The following DYNLT5 variants were observed in gnomAD, a reference collection of about 807,000 sequenced individuals.
The protein encoded by DYNLT5 is dynein light chain Tctex-type family member 5, also known as dynein light chain Tctex-type 5.
Under a neutral mutation model 19.3 loss-of-function variants are expected in DYNLT5, and 25 were observed. The ratio of observed to expected loss-of-function variants is 1.30; its 90% CI spans 0.95 to 1.81. The LOEUF is 1.81. Ranked by LOEUF, DYNLT5 falls within the 40% of genes most tolerant of loss-of-function variation. The pLI is 0.00. For missense variants in DYNLT5, 232 were observed against 217.9 expected (o/e 1.06, Z -0.41); for synonymous variants, 82 against 68.9 (o/e 1.19, Z -0.94).
chr1:66,755,010 T>A (rs1160868045), intron 2 of DYNLT5, among the ~76,000 whole-genome samples: 1 of 152,166 alleles, frequency 6.6e-6, no homozygotes, highest in African/African-American at 2.4e-5. Context: ...CAAAAAACCC[T>A]CTGCTCAAAA....
rs1216267930 is a variant in DYNLT5 at position 66,778,805 on chromosome 1, T to A, written c.*1351T>A. 1 of 148,036 alleles carries A rather than the reference T, an allele frequency of 6.8e-6. No individual in the cohort carries two copies. Among genetic ancestry groups the A allele is most frequent in the Non-Finnish European group, 1.5e-5 (1 of 67,620 alleles). The allele number at this position is 148,036 out of a possible 1,614,324, so 9.2% of individuals were successfully genotyped here. On this transcript the variant is annotated 3_prime_UTR_variant, in exon 5 of 5. Transcript: ENST00000282670. ...TCAAAATGAATTTGTCAATTTTCAC[T>A]TTTTTTTTTCTGTTAGTGCATTAGT...
At chr1:66,776,679 A>C (rs144433735) in intron 4 of DYNLT5, among the ~76,000 whole-genome samples, 2 of 151,988 alleles carry the variant, frequency 1.3e-5, no homozygotes, top group Admixed American at 1.3e-4. Flanking sequence ...TTTATTGTAA[A>C]AGATACAACA....
chr1:66,755,773 G>A (rs183792319), intron 2 of DYNLT5: 3 of 152,194 alleles, frequency 2.0e-5, no homozygotes, highest in African/African-American at 4.8e-5. Context: ...CAGAAGTAAA[G>A]GTGGGAGAAT....
intron 3 of DYNLT5, 139 bp from the exon 4 acceptor site, chr1:66,776,140 G>A (rs1265551821): frequency 8.8e-7 from 1 of 1,137,434 alleles, no homozygotes; most frequent in East Asian, 2.7e-5. Context: ...AACCTAATTA[G>A]AGCCACTTGT....
chr1:66,754,693 C>T lies in DYNLT5; in HGVS notation c.35C>T (p.Ala12Val). The change falls in exon 2 of 5, where the codon GCT (alanine) becomes GTT (valine). Residue 12 changes from alanine (A) to valine (V), a missense_variant. Physicochemically the swap from Ala to Val is moderately conservative, Grantham distance 64. Transcript: ENST00000282670. ...TCAGACAATGCTAAAGGCAGAGCAG[C>T]TCATTCATGGAAGAAAAGAGGGAGT... ...MMSDNAKGRA[A>V]HSWKKRGSIS... 1 of 1,613,088 alleles carries T rather than the reference C, an allele frequency of 6.2e-7. No individual in the cohort carries two copies. Among genetic ancestry groups the T allele is most frequent in the Non-Finnish European group, 8.5e-7 (1 of 1,179,650 alleles).
chr1:66,776,558 TGG>T (rs72451064), intron 4 of DYNLT5, among the ~76,000 whole-genome samples, 155 bp downstream of exon 4: 17,978 of 135,402 alleles, frequency 0.13, 1,137 homozygotes, highest in South Asian at 0.17. Context: ...TGTGTGTGTG[TGG>T]GTGTGTGTGT....
intron 2 of DYNLT5, among the ~76,000 whole-genome samples, chr1:66,758,540 C>T (rs1364965546): frequency 6.6e-6 from 1 of 152,162 alleles, no homozygotes; most frequent in Non-Finnish European, 1.5e-5. Flanking sequence ...CACAGCTCCC[C>T]GTGTGAACCC....
At chr1:66,765,797 A>AT (rs892171032) in intron 2 of DYNLT5, among the ~76,000 whole-genome samples, 7 of 151,806 alleles carry the variant, frequency 4.6e-5, no homozygotes, top group Non-Finnish European at 8.8e-5. Context: ...TTCTTAAATA[A>AT]TTTTTTTGTC....
intron 1 of DYNLT5, among the ~76,000 whole-genome samples, chr1:66,753,600 T>A (rs548175001): frequency 6.6e-6 from 1 of 152,320 alleles, no homozygotes; most frequent in African/African-American, 2.4e-5. Context: ...AAGGTTAATT[T>A]TAATTTTTAT....
At chr1:66,768,250 A>G (rs1645179425) in intron 2 of DYNLT5, among the ~76,000 whole-genome samples, 1 of 152,218 alleles carries the variant, frequency 6.6e-6, no homozygotes, top group Non-Finnish European at 1.5e-5. Flanking sequence ...AGCATCTATA[A>G]TATGAGCCCA....
At chr1:66,773,682 C>T (rs1421985867) in intron 3 of DYNLT5, among the ~76,000 whole-genome samples, 1 of 152,004 alleles carries the variant, frequency 6.6e-6, no homozygotes, top group East Asian at 1.9e-4. Flanking sequence ...TATTATTACC[C>T]CAATGTGGGG....
chr1:66,764,881 C>T (rs2094651917), intron 2 of DYNLT5, among the ~76,000 whole-genome samples: 1 of 152,184 alleles, frequency 6.6e-6, no homozygotes, highest in African/African-American at 2.4e-5. Flanking sequence ...TCATCTACTG[C>T]TGGGGACAAG....
At chr1:66,776,513 A>T in intron 4 of DYNLT5, 110 bp downstream of exon 4, 1 of 1,319,318 alleles carries the variant, frequency 7.6e-7, no homozygotes, top group Non-Finnish European at 1.0e-6. Context: ...AACAGTTAAA[A>T]TGCGTATTTA....
chr1:66,772,691 A>C lies in DYNLT5; in HGVS notation c.211+2213A>C, dbSNP rs982243400. ...AATAATGTTTGCCTCATCTAAACAC[A>C]TCTTAAATGAGAGCATTTACATAAA... On this transcript the variant is annotated intron_variant, in intron 3 of 4. Coordinates refer to ENST00000282670, the MANE Select transcript of DYNLT5 (RefSeq NM_152665.3). Among the ~76,000 whole-genome samples the C allele has an allele frequency of 2.6e-5, 4 of 152,244 alleles. No individual in the cohort carries two copies. The South Asian group carries it at 8.3e-4, about 31-fold the overall frequency.
intron 2 of DYNLT5, among the ~76,000 whole-genome samples, chr1:66,769,369 A>G (rs1645188143): frequency 1.3e-5 from 2 of 152,208 alleles, no homozygotes; most frequent in South Asian, 4.1e-4. Flanking sequence ...TAAAATATCG[A>G]TTTGCAAGAA....
chr1:66,754,261 C>T (rs1572541294), intron 1 of DYNLT5, among the ~76,000 whole-genome samples: 1 of 152,062 alleles, frequency 6.6e-6, no homozygotes, highest in Non-Finnish European at 1.5e-5. Context: ...ATAACAGTGA[C>T]AGCAAATATT....
chr1:66,761,319 G>A (rs1236063179), intron 2 of DYNLT5, among the ~76,000 whole-genome samples: 1 of 152,162 alleles, frequency 6.6e-6, no homozygotes, highest in Non-Finnish European at 1.5e-5. Flanking sequence ...AAGAAAAAAT[G>A]TACATACCTT....
intron 2 of DYNLT5, among the ~76,000 whole-genome samples, chr1:66,758,274 T>C (rs1262094888): frequency 6.6e-6 from 1 of 152,238 alleles, no homozygotes; most frequent in Non-Finnish European, 1.5e-5. Context: ...TCTTTCTTAT[T>C]GGAAGCTCAG....
chr1:66,766,596 T>C (rs918233546), intron 2 of DYNLT5, among the ~76,000 whole-genome samples: 7 of 152,238 alleles, frequency 4.6e-5, no homozygotes, highest in Admixed American at 3.9e-4. Flanking sequence ...TAATGCTATT[T>C]GCCCATACCT....
Sources: allele counts gnomAD v4.1 joint callset (sites outside exome capture counted in the v4.1 genomes callset), GRCh38; gene constraint gnomAD v4.1.1; transcripts MANE v1.5; gene names NCBI Gene and HGNC (gene_info 2026-07-23, HGNC 2026-07-21).